Variants in FRMD4A observed in about 807,000 individuals in gnomAD.
The protein encoded by FRMD4A is FERM domain containing 4A.
Under a neutral mutation model 129.1 loss-of-function variants are expected in FRMD4A, and 29 were observed. The ratio of observed to expected loss-of-function variants is 0.22; its 90% CI spans 0.17 to 0.31. FRMD4A has a LOEUF of 0.31. Ranked by LOEUF, FRMD4A falls within the 10% of genes least tolerant of loss-of-function variation. The pLI is 1.00. For synonymous variants in FRMD4A, 634 were observed against 571.6 expected (o/e 1.11, Z -1.56); for missense variants, 1,272 against 1,375.8 (o/e 0.92, Z 1.19).
At chr10:13,908,867 A>G (rs2094910750) in intron 2 of FRMD4A, among the ~76,000 whole-genome samples, 1 of 152,364 alleles carries the variant, frequency 6.6e-6, no homozygotes, top group Admixed American at 6.5e-5. Flanking sequence ...CCCAAGTGCT[A>G]TGTGGGATAT....
chr10:14,008,289 T>C (rs2095669700), intron 2 of FRMD4A: 3 of 1,035,366 alleles, frequency 2.9e-6, no homozygotes, highest in Admixed American at 4.5e-5. Flanking sequence ...ATCAAATAAC[T>C]GAAAGAGTTT....
chr10:13,926,750 A>C (rs143379172), intron 2 of FRMD4A, among the ~76,000 whole-genome samples: 1 of 152,242 alleles, frequency 6.6e-6, no homozygotes, highest in Non-Finnish European at 1.5e-5. Flanking sequence ...TGTGCCCTAC[A>C]CGACAATGTA....
intron 2 of FRMD4A, among the ~76,000 whole-genome samples, chr10:14,251,285 T>C (rs1844431877): frequency 6.6e-6 from 1 of 152,140 alleles, no homozygotes; most frequent in Admixed American, 6.5e-5. Context: ...CTGTCTGGGG[T>C]GTGCTCTCTT....
At chr10:14,241,946 A>G (rs1310843860) in intron 2 of FRMD4A, among the ~76,000 whole-genome samples, 3 of 152,028 alleles carry the variant, frequency 2.0e-5, no homozygotes, top group Non-Finnish European at 4.4e-5. Context: ...TATCACCACC[A>G]AGCTGCTTTG....
intron 12 of FRMD4A, among the ~76,000 whole-genome samples, chr10:13,734,243 T>C (rs917495029): frequency 2.0e-5 from 3 of 152,168 alleles, no homozygotes; most frequent in Non-Finnish European, 4.4e-5. Flanking sequence ...CGCCAGGTGT[T>C]GCCCGCCCTA....
chr10:14,229,249 T>C (rs1843555827), intron 2 of FRMD4A, among the ~76,000 whole-genome samples: 1 of 152,132 alleles, frequency 6.6e-6, no homozygotes, highest in South Asian at 2.1e-4. Context: ...TATATTCTAA[T>C]AGAGGTAATA....
intron 17 of FRMD4A, among the ~76,000 whole-genome samples, chr10:13,666,911 C>CTTTTTTTTTTTTTTTTTTTT (rs10546068): frequency 8.7e-6 from 1 of 114,388 alleles, no homozygotes; most frequent in Admixed American, 9.5e-5. Context: ...CTTTTCTTTT[C>CTTTTTTTTTTTTTTTTTTTT]TTTTTTTTTT....
chr10:13,682,490 TTTCTTTC>T (rs2084688469), intron 15 of FRMD4A, among the ~76,000 whole-genome samples: 1 of 99,506 alleles, frequency 1.0e-5, no homozygotes, highest in Non-Finnish European at 2.3e-5. Flanking sequence ...TCCCATTTTC[TTTCTTTC>T]TTTTTTTTTT....
intron 2 of FRMD4A, among the ~76,000 whole-genome samples, chr10:14,056,071 G>T (rs928259031): frequency 6.6e-6 from 1 of 151,984 alleles, no homozygotes. Context: ...TCACTCTGTC[G>T]CCCAGGCTGG....
chr10:13,928,895 G>C (rs1406470), intron 2 of FRMD4A, among the ~76,000 whole-genome samples: 151,134 of 152,332 alleles, frequency 0.99, 74,985 homozygotes, highest in Middle Eastern at 1. Flanking sequence ...TAATGAGAAG[G>C]AGGAGGCCTC....
chr10:13,765,712 G>A (rs376595410), intron 6 of FRMD4A, among the ~76,000 whole-genome samples: 1 of 152,172 alleles, frequency 6.6e-6, no homozygotes, highest in Non-Finnish European at 1.5e-5. Context: ...GCTGGGATGC[G>A]GAAGAATGTT....
chr10:14,146,712 C>T (rs577820342), intron 2 of FRMD4A, among the ~76,000 whole-genome samples: 1 of 152,172 alleles, frequency 6.6e-6, no homozygotes, highest in South Asian at 2.1e-4. Flanking sequence ...TCAGCTCTTG[C>T]TCCACCTGTG....
chr10:14,088,030 G>A (rs1046952966), intron 2 of FRMD4A, among the ~76,000 whole-genome samples: 1 of 152,176 alleles, frequency 6.6e-6, no homozygotes, highest in Non-Finnish European at 1.5e-5. Flanking sequence ...TCTGGAAGGA[G>A]AGCAGAAACT....
chr10:14,054,089 A>G (rs10906582), intron 2 of FRMD4A, among the ~76,000 whole-genome samples: 72,200 of 151,230 alleles, frequency 0.48, 17,792 homozygotes, highest in Middle Eastern at 0.58. Flanking sequence ...TTCTTGAGCC[A>G]AGGAATTTGA....
intron 2 of FRMD4A, among the ~76,000 whole-genome samples, chr10:14,173,637 C>G (rs1432739207): frequency 6.6e-6 from 1 of 152,154 alleles, no homozygotes; most frequent in Non-Finnish European, 1.5e-5. Flanking sequence ...AAACGTGTTA[C>G]TCCTCCTGCT....
chr10:14,071,157 G>A (rs968011307), intron 2 of FRMD4A, among the ~76,000 whole-genome samples: 25 of 152,312 alleles, frequency 1.6e-4, no homozygotes, highest in African/African-American at 4.6e-4. Context: ...TTCCATGCAT[G>A]AAGACTTTTA....
chr10:13,839,586 C>T (rs929090559), intron 3 of FRMD4A, among the ~76,000 whole-genome samples: 1 of 152,206 alleles, frequency 6.6e-6, no homozygotes. Flanking sequence ...CTCCTTTCAG[C>T]TTGTACAACA....
intron 2 of FRMD4A, among the ~76,000 whole-genome samples, chr10:14,090,280 C>A (rs1836585123): frequency 6.6e-6 from 1 of 152,184 alleles, no homozygotes; most frequent in Admixed American, 6.5e-5. Context: ...AGTCATAATA[C>A]TTCATGTAGA....
chr10:14,178,700 T>C (rs1841813841), intron 2 of FRMD4A, among the ~76,000 whole-genome samples: 1 of 152,142 alleles, frequency 6.6e-6, no homozygotes, highest in Non-Finnish European at 1.5e-5. Flanking sequence ...GCAAGAACGA[T>C]TTGCATTTTT....
Sources: gnomAD v4.1 joint callset for allele counts (sites outside exome capture counted in the v4.1 genomes callset) on GRCh38, gnomAD v4.1.1 for gene constraint, MANE v1.5 for transcripts, NCBI Gene and HGNC (gene_info 2026-07-23, HGNC 2026-07-21) for gene names.